Variants in FKTN observed in about 807,000 individuals in gnomAD.
The protein encoded by FKTN is fukutin, also known as ribitol-5-phosphate transferase FKTN.
FKTN carries 47 observed loss-of-function variants against 58.6 expected under a neutral mutation model. The observed-to-expected ratio is 0.80, with a 90% CI of 0.63 to 1.02. The LOEUF (loss-of-function observed/expected upper bound fraction) is 1.02. Among genes scored for constraint, FKTN ranks in the 50% least tolerant of loss-of-function variants. The pLI is 0.00. For synonymous variants in FKTN, 178 were observed against 191.9 expected (o/e 0.93, Z 0.60); for missense variants, 516 against 537.3 (o/e 0.96, Z 0.39).
Position 105,607,887 on chromosome 9 carries a change from TAGA to T in FKTN, c.722_724del (p.Glu241del), listed in dbSNP as rs1437925297. Reference sequence around the variant, plus strand: ...ATTCCAAAGGATCCAATGCACTTTGTAGAAGAAGTACCACACTCTAGGTTTATT... The same window carrying T: ...ATTCCAAAGGATCCAATGCACTTTGTAGAAGTACCACACTCTAGGTTTATT... On this transcript the variant is annotated inframe_deletion, in exon 7 of 11. Transcript: ENST00000357998. 7 of 1,611,458 alleles carry T rather than the reference TAGA, an allele frequency of 4.3e-6. No homozygotes were observed. The African/African-American group carries it at 5.3e-5, about 12-fold the overall frequency.
intron 3 of FKTN, among the ~76,000 whole-genome samples, chr9:105,579,386 A>T (rs1473753609): frequency 6.6e-6 from 1 of 152,088 alleles, no homozygotes; most frequent in Non-Finnish European, 1.5e-5. Context: ...CGTTGGTTTC[A>T]AAGAACATCT....
At chr9:105,627,544 C>G (rs909186043) in intron 10 of FKTN, among the ~76,000 whole-genome samples, 3 of 152,122 alleles carry the variant, frequency 2.0e-5, no homozygotes, top group African/African-American at 7.2e-5. Flanking sequence ...ATCCAGGATA[C>G]CACATTGCAT....
chr9:105,636,357 A>G lies in FKTN; in HGVS notation c.*1093A>G, dbSNP rs1834033626. On this transcript the variant is annotated 3_prime_UTR_variant, in exon 11 of 11. Coordinates refer to ENST00000357998, the MANE Select transcript of FKTN (RefSeq NM_001079802.2). The stretch of plus-strand genomic sequence containing the variant: ...GTTTCTTCTCCTCTTCTAATATATC[A>G]GATCTCCAAAATGGAAGCTAAATGG... 1 of 983,644 alleles carries G rather than the reference A, an allele frequency of 1.0e-6. No individual in the cohort carries two copies. The highest frequency in any genetic ancestry group is 1.2e-6 in the Non-Finnish European group (1 of 828,196). The allele number at this position is 983,644 out of a possible 1,614,324, so 60.9% of individuals were successfully genotyped here.
At chr9:105,617,832 G>A (rs1831096071) in intron 8 of FKTN, 127 bp from the exon 9 acceptor site, 1 of 641,514 alleles carries the variant, frequency 1.6e-6, no homozygotes, top group Non-Finnish European at 2.7e-6. Flanking sequence ...TACAGCCTGG[G>A]CAATATAGTG....
chr9:105,587,583 G>C (rs1365532687), intron 3 of FKTN, among the ~76,000 whole-genome samples: 3 of 152,098 alleles, frequency 2.0e-5, no homozygotes, highest in African/African-American at 7.2e-5. Context: ...TATTATATTT[G>C]ATAGCTTGAT....
intron 6 of FKTN, among the ~76,000 whole-genome samples, chr9:105,606,508 G>A (rs564567518): frequency 7.9e-5 from 12 of 151,674 alleles, no homozygotes; most frequent in African/African-American, 2.7e-4. Flanking sequence ...TGAAATCAGC[G>A]ATAATGATGT....
intron 3 of FKTN, among the ~76,000 whole-genome samples, chr9:105,577,269 C>T (rs1311102026): frequency 2.1e-5 from 3 of 144,160 alleles, no homozygotes; most frequent in Admixed American, 6.9e-5. Context: ...ATGGTAATGC[C>T]TAGGTTTTCT....
intron 3 of FKTN, among the ~76,000 whole-genome samples, chr9:105,582,012 G>A (rs1003821718): frequency 5.9e-5 from 9 of 152,240 alleles, no homozygotes; most frequent in East Asian, 1.9e-4. Flanking sequence ...GCAATGCCTC[G>A]CCCTGCTTCG....
At chr9:105,612,687 G>A (rs1463361786) in intron 7 of FKTN, among the ~76,000 whole-genome samples, 1 of 152,208 alleles carries the variant, frequency 6.6e-6, no homozygotes, top group Admixed American at 6.5e-5. Context: ...ATTTCTGGCT[G>A]GGCGCCATGG....
At chr9:105,580,247 G>T (rs548244219) in intron 3 of FKTN, among the ~76,000 whole-genome samples, 1 of 152,294 alleles carries the variant, frequency 6.6e-6, no homozygotes, top group East Asian at 1.9e-4. Context: ...AGTTGACGCA[G>T]TTTCTTCCTA....
intron 7 of FKTN, among the ~76,000 whole-genome samples, chr9:105,610,858 A>T (rs1365667524): frequency 6.6e-6 from 1 of 151,976 alleles, no homozygotes; most frequent in African/African-American, 2.4e-5. Context: ...GAAGGGCGGG[A>T]GACTTTATTT....
intron 1 of FKTN, among the ~76,000 whole-genome samples, chr9:105,559,087 T>C (rs1751942829): frequency 6.6e-6 from 1 of 152,224 alleles, no homozygotes; most frequent in Admixed American, 6.5e-5. Flanking sequence ...GGTGATGATA[T>C]TTTTAACCTG....
chr9:105,581,486 AG>A lies in FKTN; in HGVS notation c.105+6353del, dbSNP rs58000291. Among the ~76,000 whole-genome samples, 653 of 150,808 alleles carry A rather than the reference AG, an allele frequency of 4.3e-3. 6 individuals carry two copies. The highest frequency in any genetic ancestry group is 0.015 in the African/African-American group (629 of 40,768). ...CTCCCAGTTAGGCTGCTCGGGGGTC[AG>A]GGGTCAGGGACCCACTTGAGGAGGC... On this transcript the variant is annotated intron_variant, in intron 3 of 10. Coordinates refer to ENST00000357998, the MANE Select transcript of FKTN (RefSeq NM_001079802.2).
chr9:105,609,744 G>A (rs1037851179), intron 7 of FKTN, among the ~76,000 whole-genome samples: 2 of 151,946 alleles, frequency 1.3e-5, no homozygotes, highest in African/African-American at 4.8e-5. Flanking sequence ...GTATAGAAGT[G>A]GTGCTGTGTT....
chr9:105,638,989 T>TGG lies in FKTN; in HGVS notation c.*3725_*3726insGG, dbSNP rs1326285284. 33 of 985,164 alleles carry TGG rather than the reference T, an allele frequency of 3.3e-5. No individual in the cohort carries two copies. The highest frequency in any genetic ancestry group is 6.2e-5 in the Admixed American group (1 of 16,256). The allele number at this position is 985,164 out of a possible 1,614,324, so 61.0% of individuals were successfully genotyped here. On this transcript the variant is annotated 3_prime_UTR_variant, in exon 11 of 11. Coordinates refer to ENST00000357998, the MANE Select transcript of FKTN (RefSeq NM_001079802.2). ...TGAGCTTCCACACTTCAGTCTAAAATCTCACCCAAACTTATGGCTACATAT... is the reference window on the plus strand; with the variant it reads ...TGAGCTTCCACACTTCAGTCTAAAATGGCTCACCCAAACTTATGGCTACATAT...
chr9:105,564,718 T>C (rs1589181801), intron 1 of FKTN, among the ~76,000 whole-genome samples: 3 of 152,250 alleles, frequency 2.0e-5, no homozygotes, highest in South Asian at 2.1e-4. Flanking sequence ...AGTTGGAAAG[T>C]ACTTTGCAGG....
chr9:105,617,804 T>C (rs1831091286), intron 8 of FKTN, among the ~76,000 whole-genome samples, 155 bp from the exon 9 acceptor site: 1 of 152,154 alleles, frequency 6.6e-6, no homozygotes, highest in African/African-American at 2.4e-5. Flanking sequence ...GGAGGATCAC[T>C]TGAGCCAGGA....
At chr9:105,561,236 T>C (rs1237006444) in intron 1 of FKTN, among the ~76,000 whole-genome samples, 1 of 152,154 alleles carries the variant, frequency 6.6e-6, no homozygotes, top group Admixed American at 6.5e-5. Flanking sequence ...ATTGTGACAC[T>C]GCACTCCAGC....
chr9:105,627,303 A>T (rs1371247376), intron 10 of FKTN, among the ~76,000 whole-genome samples: 1 of 152,100 alleles, frequency 6.6e-6, no homozygotes, highest in East Asian at 1.9e-4. Context: ...ATTTTTGGTG[A>T]ATAAAAAGTT....
Sources: allele counts gnomAD v4.1 joint callset (sites outside exome capture counted in the v4.1 genomes callset), GRCh38; gene constraint gnomAD v4.1.1; transcripts MANE v1.5; gene names NCBI Gene and HGNC (gene_info 2026-07-23, HGNC 2026-07-21).